The following TESK2 variants were observed in gnomAD, a reference collection of about 807,000 sequenced individuals.
TESK2 encodes the protein testis associated actin remodelling kinase 2, also known as dual specificity testis-specific protein kinase 2.
Under a neutral mutation model 57.1 loss-of-function variants are expected in TESK2, and 39 were observed. The observed-to-expected ratio is 0.68, with a 90% confidence interval of 0.53 to 0.89. TESK2 has a LOEUF of 0.89. Ranked by LOEUF, TESK2 falls within the 40% of genes least tolerant of loss-of-function variation. The pLI is 0.00. For missense variants in TESK2, 646 were observed against 732.1 expected, an observed-to-expected ratio of 0.88 and a Z score of 1.36; for synonymous variants, 249 against 267.9, an observed-to-expected ratio of 0.93 and a Z score of 0.69.
chr1:45,349,446 C>G (rs1320565225), intron 5 of TESK2, among the ~76,000 whole-genome samples: 1 of 152,204 alleles, frequency 6.6e-6, no homozygotes, highest in Non-Finnish European at 1.5e-5. Flanking sequence ...GCCAGCCTGC[C>G]TATTAGCCAA....
intron 4 of TESK2, among the ~76,000 whole-genome samples, chr1:45,364,007 A>C (rs1021401923): frequency 6.6e-5 from 10 of 152,304 alleles, no homozygotes; most frequent in Admixed American, 6.5e-5. Flanking sequence ...TATGTCAGTT[A>C]TGACTATTTC....
At chr1:45,443,907 A>G (rs1280163704) in intron 2 of TESK2, among the ~76,000 whole-genome samples, 3 of 152,150 alleles carry the variant, frequency 2.0e-5, no homozygotes, top group African/African-American at 4.8e-5. Flanking sequence ...GGCCAGGTAC[A>G]GTGGCTCATG....
Position 45,407,347 on chromosome 1 carries a change from A to G in TESK2, c.344+14378T>C, listed in dbSNP as rs76322629. On this transcript the variant is annotated intron_variant, in intron 3 of 10. Transcript: ENST00000372086. ...AGTGCTAGGATTATAGGTGTGAGCC[A>G]CCGTGCCTGGCCAGCATTTACATTA... Among the ~76,000 whole-genome samples, 528 of 152,294 alleles carry G rather than the reference A, an allele frequency of 3.5e-3. 7 individuals are homozygous for G. Among genetic ancestry groups the G allele is most frequent in the East Asian group, 0.031 (162 of 5,182 alleles).
At chr1:45,457,955 C>T (rs1378404172) in intron 1 of TESK2, 84 bp from the exon 2 acceptor site, 1 of 588,712 alleles carries the variant, frequency 1.7e-6, no homozygotes, top group Non-Finnish European at 3.0e-6. Flanking sequence ...AAAAATATTT[C>T]CTTTCACATT....
At chr1:45,373,045 A>G (rs1176686453) in intron 4 of TESK2, among the ~76,000 whole-genome samples, 1 of 151,554 alleles carries the variant, frequency 6.6e-6, no homozygotes. Flanking sequence ...AAAAAAAAAA[A>G]AAGAAAAGAA....
intron 5 of TESK2, among the ~76,000 whole-genome samples, chr1:45,353,613 T>C (rs945563839): frequency 1.3e-5 from 2 of 152,146 alleles, no homozygotes; most frequent in African/African-American, 4.8e-5. Flanking sequence ...CATGTAGGTA[T>C]TGAGGGTGGG....
chr1:45,489,128 C>T (rs1203067664), intron 1 of TESK2, among the ~76,000 whole-genome samples: 2 of 131,692 alleles, frequency 1.5e-5, no homozygotes, highest in South Asian at 2.7e-4. Flanking sequence ...GAGACCCTGA[C>T]ACCAAAGAAA....
chr1:45,474,191 G>A (rs1028675480), intron 1 of TESK2, among the ~76,000 whole-genome samples: 6 of 152,012 alleles, frequency 3.9e-5, no homozygotes, highest in African/African-American at 1.4e-4. Context: ...CAAAAAATTA[G>A]CCAGGTGTGG....
chr1:45,351,180 C>G (rs1160271479), intron 5 of TESK2, among the ~76,000 whole-genome samples: 1 of 152,232 alleles, frequency 6.6e-6, no homozygotes, highest in African/African-American at 2.4e-5. Context: ...TCAGCTGCCC[C>G]CAAGAGCCAA....
At chr1:45,370,427 C>T (rs1217363510) in intron 4 of TESK2, among the ~76,000 whole-genome samples, 1 of 152,204 alleles carries the variant, frequency 6.6e-6, no homozygotes, top group Non-Finnish European at 1.5e-5. Context: ...TACCATTTGT[C>T]AGGCACTGTG....
At chr1:45,361,056 G>A (rs1162953005) in intron 4 of TESK2, among the ~76,000 whole-genome samples, 7 of 152,174 alleles carry the variant, frequency 4.6e-5, no homozygotes, top group African/African-American at 1.4e-4. Context: ...GACCTCAGGT[G>A]ATCCACCCGC....
chr1:45,429,817 C>A (rs1650876198), intron 2 of TESK2, among the ~76,000 whole-genome samples: 1 of 152,076 alleles, frequency 6.6e-6, no homozygotes, highest in Non-Finnish European at 1.5e-5. Context: ...AAAGAAGTAG[C>A]CTGAAGTTAG....
At chr1:45,411,627 C>T (rs1298569626) in intron 3 of TESK2, among the ~76,000 whole-genome samples, 2 of 152,104 alleles carry the variant, frequency 1.3e-5, no homozygotes, top group Non-Finnish European at 2.9e-5. Context: ...TACACAGAGG[C>T]ACACTCAGCG....
chr1:45,352,295 A>T (rs1416496579), intron 5 of TESK2, among the ~76,000 whole-genome samples: 2 of 152,222 alleles, frequency 1.3e-5, no homozygotes, highest in African/African-American at 4.8e-5. Context: ...GCCCAGAAAT[A>T]TAGGGAGTTA....
Position 45,346,685 on chromosome 1 carries a change from ACACT to A in TESK2, c.879+4_879+7del, listed in dbSNP as rs777473648. The A allele has an allele frequency of 4.3e-6, 7 of 1,611,040 alleles. No individual in the cohort carries two copies. Among genetic ancestry groups the A allele is most frequent in the Non-Finnish European group, 5.9e-6 (7 of 1,178,138 alleles). ...CCTGATGAAAGGCAGAGGGAGAAAG[ACACT>A]CACGTTACAGCAGTTGAAAGTAAGT... On this transcript the variant is annotated splice_donor_5th_base_variant and intron_variant, in intron 9 of 10. Transcript: ENST00000372086.
intron 3 of TESK2, among the ~76,000 whole-genome samples, chr1:45,415,812 C>T (rs1264425795): frequency 6.6e-6 from 1 of 152,122 alleles, no homozygotes; most frequent in African/African-American, 2.4e-5. Context: ...GATTTGAATC[C>T]AGGCAGTTTG....
intron 4 of TESK2, among the ~76,000 whole-genome samples, chr1:45,376,378 G>C (rs575374322): frequency 7.3e-6 from 1 of 137,014 alleles, no homozygotes; most frequent in African/African-American, 2.9e-5. Context: ...ACCACGTCTG[G>C]CTAATTTTTT....
At chr1:45,350,868 T>G (rs1647220591) in intron 5 of TESK2, among the ~76,000 whole-genome samples, 1 of 152,214 alleles carries the variant, frequency 6.6e-6, no homozygotes, top group South Asian at 2.1e-4. Context: ...AAAATTAACT[T>G]TAGGGTACAC....
At chr1:45,463,420 CT>C (rs1329255531) in intron 1 of TESK2, among the ~76,000 whole-genome samples, 3 of 152,134 alleles carry the variant, frequency 2.0e-5, no homozygotes, top group Non-Finnish European at 4.4e-5. Context: ...TTAGGTTTTT[CT>C]TCTGCATATG....
Sources: allele counts gnomAD v4.1 joint callset (sites outside exome capture counted in the v4.1 genomes callset), GRCh38; gene constraint gnomAD v4.1.1; transcripts MANE v1.5; gene names NCBI Gene and HGNC (gene_info 2026-07-23, HGNC 2026-07-21).